The following CACNA2D3 variants were observed in gnomAD, a reference collection of about 807,000 sequenced individuals.
The protein encoded by CACNA2D3 is voltage-dependent calcium channel subunit alpha-2/delta-3.
A neutral mutation model predicts 160.6 loss-of-function variants in CACNA2D3; 60 were observed. The ratio of observed to expected loss-of-function variants is 0.37; its 90% CI spans 0.30 to 0.46. The LOEUF (loss-of-function observed/expected upper bound fraction) is 0.46. Among genes scored for constraint, CACNA2D3 ranks in the 20% least tolerant of loss-of-function variants. CACNA2D3 has a pLI of 1.00. For synonymous variants in CACNA2D3, 558 were observed against 492.9 expected, an observed-to-expected ratio of 1.13 and a Z score of -1.75; for missense variants, 1,205 against 1,365.0, an observed-to-expected ratio of 0.88 and a Z score of 1.85.
chr3:54,993,573 G>A (rs1214318174), intron 31 of CACNA2D3, among the ~76,000 whole-genome samples: 1 of 152,250 alleles, frequency 6.6e-6, no homozygotes, highest in East Asian at 1.9e-4. Flanking sequence ...CAAAAAACAG[G>A]TAAAGAAAGA....
intron 3 of CACNA2D3, among the ~76,000 whole-genome samples, chr3:54,370,449 A>G (rs1306639105): frequency 2.0e-5 from 3 of 152,342 alleles, no homozygotes; most frequent in African/African-American, 7.2e-5. Flanking sequence ...AAAAGATGCA[A>G]TTAAGAATCC....
chr3:54,704,251 G>A (rs978213420), intron 11 of CACNA2D3, among the ~76,000 whole-genome samples: 2 of 152,200 alleles, frequency 1.3e-5, no homozygotes, highest in African/African-American at 4.8e-5. Flanking sequence ...GCTTTTATAA[G>A]CCAAAGCCTT....
At chr3:54,438,688 T>C (rs1700095522) in intron 4 of CACNA2D3, among the ~76,000 whole-genome samples, 1 of 152,198 alleles carries the variant, frequency 6.6e-6, no homozygotes, top group African/African-American at 2.4e-5. Flanking sequence ...TCATTCTAAA[T>C]TTGCATAAAA....
intron 2 of CACNA2D3, among the ~76,000 whole-genome samples, chr3:54,153,436 C>T (rs1700186989): frequency 6.6e-6 from 1 of 152,154 alleles, no homozygotes; most frequent in South Asian, 2.1e-4. Flanking sequence ...TGTGGAATAA[C>T]TCAAACCTTA....
intron 4 of CACNA2D3, among the ~76,000 whole-genome samples, chr3:54,431,836 G>A (rs1325602609): frequency 2.0e-5 from 3 of 152,140 alleles, no homozygotes; most frequent in East Asian, 1.9e-4. Flanking sequence ...TCGAACTCCT[G>A]TCCTCAAGTG....
chr3:54,789,756 CA>C (rs1702711087), intron 13 of CACNA2D3: 1 of 464,054 alleles, frequency 2.2e-6, no homozygotes, highest in Non-Finnish European at 4.3e-6. Context: ...TCCTCTAAAC[CA>C]AAATTTAGAT....
At chr3:54,365,811 C>T (rs1698818886) in intron 3 of CACNA2D3, among the ~76,000 whole-genome samples, 1 of 152,110 alleles carries the variant, frequency 6.6e-6, no homozygotes, top group African/African-American at 2.4e-5. Context: ...TGCAATGAGC[C>T]AAGATCATGC....
At chr3:55,033,862 TAA>T (rs1559469654) in intron 35 of CACNA2D3, among the ~76,000 whole-genome samples, 50 of 92,102 alleles carry the variant, frequency 5.4e-4, no homozygotes, top group African/African-American at 8.7e-4. Context: ...TAAATATATT[TAA>T]TATATAATAT....
At position 54,445,306 on chromosome 3, in the gene CACNA2D3, A is replaced by G. The variant is rs1700204110; in HGVS notation, c.382-58186A>G. On this transcript the variant is annotated intron_variant, in intron 4 of 37. Coordinates refer to ENST00000474759, the MANE Select transcript of CACNA2D3 (RefSeq NM_018398.3). ...CTCATTTCTTTAAAAAATGTTGGCA[A>G]TGAATTGAAAGTTAAAACGCTGATA... Among the ~76,000 whole-genome samples the G allele has an allele frequency of 2.0e-5, 3 of 152,292 alleles. No individual in the cohort carries two copies. In the South Asian group the frequency reaches 6.2e-4, roughly 32 times the overall value.
At chr3:54,515,300 C>G (rs1271969063) in intron 5 of CACNA2D3, among the ~76,000 whole-genome samples, 1 of 151,948 alleles carries the variant, frequency 6.6e-6, no homozygotes, top group Admixed American at 6.6e-5. Context: ...CGCTGACTTT[C>G]CACTTTCTAC....
chr3:54,763,457 G>A lies in CACNA2D3; in HGVS notation c.1247-761G>A, dbSNP rs117966033. On this transcript the variant is annotated intron_variant, in intron 12 of 37. Transcript: ENST00000474759. ...TCAAAAATTAATCATAACTATTATT[G>A]TTATGTTTATAAAAATGAACTAGCC... Among the ~76,000 whole-genome samples, 109 of 151,770 alleles carry A rather than the reference G, an allele frequency of 7.2e-4. 1 individual carries two copies. In the East Asian group the frequency reaches 0.017, roughly 24 times the overall value.
intron 2 of CACNA2D3, among the ~76,000 whole-genome samples, chr3:54,226,739 C>T (rs1701681124): frequency 6.6e-6 from 1 of 152,174 alleles, no homozygotes; most frequent in Admixed American, 6.5e-5. Flanking sequence ...CAGCCTTCAG[C>T]CACGTGGCTT....
At chr3:54,686,740 T>C (rs1341595314) in intron 11 of CACNA2D3, among the ~76,000 whole-genome samples, 2 of 152,188 alleles carry the variant, frequency 1.3e-5, no homozygotes, top group African/African-American at 4.8e-5. Context: ...TTTAGTGATG[T>C]CATAGCTCTG....
intron 2 of CACNA2D3, among the ~76,000 whole-genome samples, chr3:54,253,924 C>T (rs1702245445): frequency 6.6e-6 from 1 of 151,952 alleles, no homozygotes; most frequent in Non-Finnish European, 1.5e-5. Context: ...CCTGCCACCA[C>T]GCCTGGCTAA....
rs930927125 is a variant in CACNA2D3 at position 54,260,695 on chromosome 3, G to C, written c.205-59747G>C. ...TACTATTCTCCGTAGTGCTCAACAA[G>C]GCTGTGGCCATGCTGGTATTCTTTT... On this transcript the variant is annotated intron_variant, in intron 2 of 37. Transcript: ENST00000474759. Among the ~76,000 whole-genome samples, 4 of 152,252 alleles carry C rather than the reference G, an allele frequency of 2.6e-5. No homozygotes were observed. The South Asian group carries it at 8.3e-4, about 32-fold the overall frequency.
intron 2 of CACNA2D3, among the ~76,000 whole-genome samples, chr3:54,157,602 C>T (rs1700266700): frequency 6.6e-6 from 1 of 152,010 alleles, no homozygotes; most frequent in Admixed American, 6.6e-5. Flanking sequence ...CCAGCCTGAC[C>T]AACATGGAGA....
At chr3:54,542,279 C>A (rs1472212665) in intron 5 of CACNA2D3, among the ~76,000 whole-genome samples, 1 of 152,062 alleles carries the variant, frequency 6.6e-6, no homozygotes, top group Non-Finnish European at 1.5e-5. Flanking sequence ...CCAGGATGGT[C>A]TCAATCTTCT....
At chr3:54,589,740 G>T (rs955887728) in intron 9 of CACNA2D3, among the ~76,000 whole-genome samples, 1 of 152,052 alleles carries the variant, frequency 6.6e-6, no homozygotes, top group Non-Finnish European at 1.5e-5. Context: ...ATGGGCAAAA[G>T]CCATGAATAG....
intron 2 of CACNA2D3, among the ~76,000 whole-genome samples, chr3:54,130,304 C>A (rs1044045367): frequency 1.3e-5 from 2 of 152,122 alleles, no homozygotes; most frequent in African/African-American, 2.4e-5. Flanking sequence ...CCAATGAAAT[C>A]ATTTTCTTAT....
Sources: allele counts gnomAD v4.1 joint callset (sites outside exome capture counted in the v4.1 genomes callset), GRCh38; gene constraint gnomAD v4.1.1; transcripts MANE v1.5; gene names NCBI Gene and HGNC (gene_info 2026-07-23, HGNC 2026-07-21).